Variants in NEIL2 observed in about 807,000 individuals in gnomAD.
NEIL2 encodes nei like DNA glycosylase 2.
Under a neutral mutation model 22.2 loss-of-function variants are expected in NEIL2, and 23 were observed. That is an observed-to-expected ratio of 1.04 (90% CI 0.75 to 1.47). The LOEUF is 1.47. Ranked by LOEUF, NEIL2 falls within the 40% of genes most tolerant of loss-of-function variation. NEIL2 has a pLI of 0.00. For missense variants in NEIL2, 583 were observed against 404.7 expected, an observed-to-expected ratio of 1.44 and a Z score of -3.78; for synonymous variants, 229 against 164.8, an observed-to-expected ratio of 1.39 and a Z score of -2.99.
intron 4 of NEIL2, 101 bp from the exon 5 acceptor site, chr8:11,785,862 A>T: frequency 9.2e-7 from 1 of 1,083,070 alleles, no homozygotes; most frequent in Non-Finnish European, 1.4e-6. Context: ...AGGGTCCCCC[A>T]GGACATGGAA....
intron 3 of NEIL2, among the ~76,000 whole-genome samples, chr8:11,781,787 TACTG>T (rs1804443293): frequency 6.6e-6 from 1 of 152,194 alleles, no homozygotes; most frequent in Non-Finnish European, 1.5e-5. Flanking sequence ...CCAGGTATAA[TACTG>T]ACTCCTGTCT....
Position 11,779,591 on chromosome 8 carries a change from T to C in NEIL2, c.139-7T>C. 1 of 1,603,960 alleles carries C rather than the reference T, an allele frequency of 6.2e-7. No individual in the cohort carries two copies. ...GTAAGGCTTGGATCTCTGTTCATTT[T>C]TTCTAGGTCCATGGAAAGAAATTAT... On this transcript the variant is annotated splice_region_variant and splice_polypyrimidine_tract_variant and intron_variant, in intron 2 of 4. Coordinates refer to ENST00000284503, the MANE Select transcript of NEIL2 (RefSeq NM_145043.4).
intron 2 of NEIL2, among the ~76,000 whole-genome samples, chr8:11,776,892 G>A (rs529371091): frequency 6.6e-6 from 1 of 152,158 alleles, no homozygotes; most frequent in Non-Finnish European, 1.5e-5. Flanking sequence ...TCTTGGTCCT[G>A]AGAGTTGAGA....
intron 4 of NEIL2, among the ~76,000 whole-genome samples, chr8:11,784,866 A>G (rs1195684516): frequency 1.3e-5 from 2 of 152,144 alleles, no homozygotes; most frequent in Non-Finnish European, 2.9e-5. Flanking sequence ...TATGCTTGGT[A>G]TTTCATTTAT....
At position 11,782,505 on chromosome 8, in the gene NEIL2, A is replaced by G. The variant is rs530874662; in HGVS notation, c.492-698A>G. The G allele has an allele frequency of 1.6e-3, 248 of 158,574 alleles. 1 individual carries two copies. Among genetic ancestry groups the G allele is most frequent in the Non-Finnish European group, 2.6e-3 (186 of 71,098 alleles). 9.8% of individuals were successfully genotyped at this position (158,574 alleles called of 1,614,324 possible). On this transcript the variant is annotated intron_variant, in intron 3 of 4. Coordinates refer to ENST00000284503, the MANE Select transcript of NEIL2 (RefSeq NM_145043.4). ...ATCTGGGCTTAGCCTAACCTACCTT[A>G]TATGTGCTCAGAACAATTACATTAG... is the stretch of plus-strand genomic sequence containing the variant.
chr8:11,783,155 C>T (rs781135047), intron 3 of NEIL2, 48 bp from the exon 4 acceptor site: 1 of 1,543,212 alleles, frequency 6.5e-7, no homozygotes, highest in Non-Finnish European at 9.0e-7. Flanking sequence ...TGTGCTCTGA[C>T]TATACTGTGG....
intron 3 of NEIL2, among the ~76,000 whole-genome samples, chr8:11,781,836 G>C (rs1283171564): frequency 6.6e-6 from 1 of 152,004 alleles, no homozygotes; most frequent in African/African-American, 2.4e-5. Context: ...GAGACAGGAG[G>C]ATCACTTGAG....
intron 2 of NEIL2, among the ~76,000 whole-genome samples, chr8:11,774,569 C>T (rs1475152587): frequency 6.6e-6 from 1 of 152,202 alleles, no homozygotes; most frequent in Admixed American, 6.5e-5. Context: ...CAAAACCAAT[C>T]ATGCCTTCCC....
chr8:11,782,054 A>T (rs555493021), intron 3 of NEIL2, among the ~76,000 whole-genome samples: 37 of 152,132 alleles, frequency 2.4e-4, no homozygotes, highest in Middle Eastern at 3.4e-3. Flanking sequence ...ACAGAGCAAG[A>T]CCCTATTTCC....
intron 2 of NEIL2, among the ~76,000 whole-genome samples, chr8:11,773,731 T>G (rs1032819937): frequency 2.0e-4 from 31 of 152,314 alleles, no homozygotes; most frequent in South Asian, 8.3e-4. Flanking sequence ...GGCTGCACTC[T>G]GTGCCATCTG....
intron 2 of NEIL2, 41 bp downstream of exon 2, chr8:11,771,626 T>C: frequency 6.3e-7 from 1 of 1,589,390 alleles, no homozygotes; most frequent in South Asian, 1.1e-5. Context: ...CTGTCGCCCA[T>C]CCTGCGCCTC....
chr8:11,783,894 G>A (rs140678587), intron 4 of NEIL2, among the ~76,000 whole-genome samples: 102 of 152,352 alleles, frequency 6.7e-4, no homozygotes, highest in African/African-American at 2.3e-3. Flanking sequence ...GTTCTTATGC[G>A]ACGCGAGTGA....
chr8:11,782,980 G>C (rs1241170347), intron 3 of NEIL2: 1 of 610,274 alleles, frequency 1.6e-6, no homozygotes, highest in Non-Finnish European at 3.1e-6. Context: ...AATGATGTGG[G>C]GATGTGTGTA....
chr8:11,772,053 A>G (rs1486618559), intron 2 of NEIL2, among the ~76,000 whole-genome samples: 1 of 152,062 alleles, frequency 6.6e-6, no homozygotes, highest in African/African-American at 2.4e-5. Context: ...AAATGCAAAA[A>G]TTGGCTGGGT....
intron 2 of NEIL2, among the ~76,000 whole-genome samples, chr8:11,772,524 T>A (rs1258320659): frequency 6.6e-6 from 1 of 152,208 alleles, no homozygotes; most frequent in African/African-American, 2.4e-5. Context: ...GCCTGCCCTG[T>A]CTGCTTTAGG....
intron 4 of NEIL2, among the ~76,000 whole-genome samples, chr8:11,784,875 A>T (rs1203537305): frequency 6.6e-6 from 1 of 152,100 alleles, no homozygotes; most frequent in African/African-American, 2.4e-5. Context: ...TATTTCATTT[A>T]TTTTATTTTT....
At chr8:11,772,926 C>T (rs1019295204) in intron 2 of NEIL2, among the ~76,000 whole-genome samples, 2 of 152,110 alleles carry the variant, frequency 1.3e-5, no homozygotes, top group South Asian at 2.1e-4. Flanking sequence ...CCCCCACCCC[C>T]GCAACACACA....
chr8:11,776,340 C>A lies in NEIL2; in HGVS notation c.139-3258C>A, dbSNP rs181449308. ...CAGTTATCTCCCACCGGGTCCCCCCCACAACACGTGGGAATTATGGGAGCT... is the reference window on the plus strand; with the variant it reads ...CAGTTATCTCCCACCGGGTCCCCCCAACAACACGTGGGAATTATGGGAGCT... On this transcript the variant is annotated intron_variant, in intron 2 of 4. Transcript: ENST00000284503. Among the ~76,000 whole-genome samples the A allele has an allele frequency of 6.6e-4, 100 of 152,294 alleles. 1 individual carries two copies. The highest frequency in any genetic ancestry group is 6.7e-4 in the African/African-American group (28 of 41,558).
At chr8:11,772,274 G>A (rs1236862218) in intron 2 of NEIL2, among the ~76,000 whole-genome samples, 1 of 152,138 alleles carries the variant, frequency 6.6e-6, no homozygotes, top group Non-Finnish European at 1.5e-5. Context: ...AGGGGCTCAC[G>A]GAGCTCCCTG....
Sources: allele counts gnomAD v4.1 joint callset (sites outside exome capture counted in the v4.1 genomes callset), GRCh38; gene constraint gnomAD v4.1.1; transcripts MANE v1.5; gene names NCBI Gene and HGNC (gene_info 2026-07-23, HGNC 2026-07-21).